The following GALNS variants were observed in gnomAD, a reference collection of about 807,000 sequenced individuals.
GALNS encodes N-acetylgalactosamine-6-sulfatase.
GALNS carries 65 observed loss-of-function variants against 65.9 expected under a neutral mutation model. The observed-to-expected ratio is 0.99, with a 90% confidence interval of 0.81 to 1.21. The LOEUF (loss-of-function observed/expected upper bound fraction) is 1.21, where lower values mean the gene tolerates loss of function less well. Among genes scored for constraint, GALNS ranks in the 50% most tolerant of loss-of-function variants. The pLI is 0.00. For synonymous variants in GALNS, 346 were observed against 288.9 expected (o/e 1.20, Z -2.00); for missense variants, 776 against 700.7 (o/e 1.11, Z -1.21).
At chr16:88,817,733 C>T (rs1909778821) in intron 13 of GALNS, among the ~76,000 whole-genome samples, 3 of 152,212 alleles carry the variant, frequency 2.0e-5, no homozygotes, top group Non-Finnish European at 1.5e-5. Context: ...TTGGAGCTCC[C>T]CAGTCTCAGC....
chr16:88,843,058 G>T (rs939654391), intron 1 of GALNS: 6 of 1,519,158 alleles, frequency 3.9e-6, no homozygotes, highest in Non-Finnish European at 5.3e-6. Context: ...CGTGCACGAT[G>T]GGGCCGCTCC....
chr16:88,816,221 TC>T, intron 13 of GALNS: 1 of 985,382 alleles, frequency 1.0e-6, no homozygotes, highest in African/African-American at 1.7e-5. Context: ...TGCGCCCACC[TC>T]CCCTGCCCTG....
chr16:88,840,489 G>C (rs544917421), intron 4 of GALNS: 3 of 212,842 alleles, frequency 1.4e-5, no homozygotes, highest in Non-Finnish European at 2.9e-5. Flanking sequence ...CAGCGTGGGG[G>C]CTGTGTAGCA....
intron 13 of GALNS, 59 bp from the exon 14 acceptor site, chr16:88,814,584 C>G: frequency 6.5e-7 from 1 of 1,547,832 alleles, no homozygotes; most frequent in Non-Finnish European, 8.7e-7. Flanking sequence ...CTGGACCCAG[C>G]AGCAGCGGGC....
chr16:88,840,919 C>T, intron 4 of GALNS, 73 bp downstream of exon 4: 1 of 1,187,920 alleles, frequency 8.4e-7, no homozygotes, highest in African/African-American at 1.5e-5. Context: ...AAACTTGTGG[C>T]CATGTCCCTT....
chr16:88,853,251 C>G lies in GALNS; in HGVS notation c.120+3507G>C, dbSNP rs1477189462. Among the ~76,000 whole-genome samples the G allele has an allele frequency of 4.6e-5, 3 of 64,672 alleles. No homozygotes were observed. The East Asian group carries it at 1.2e-3, about 27-fold the overall frequency. The allele number at this position is 64,672 out of a possible 152,430, so 42.4% of individuals were successfully genotyped here. On this transcript the variant is annotated intron_variant, in intron 1 of 13. Transcript: ENST00000268695. Reference sequence around the variant, plus strand: ...GGGTGACCAGAGTGAGACTCCATCTCAAAAAAAAAAAAAAAAAAAAAAAAG... The same window carrying G: ...GGGTGACCAGAGTGAGACTCCATCTGAAAAAAAAAAAAAAAAAAAAAAAAG...
chr16:88,847,902 C>A (rs1373867459), intron 1 of GALNS, among the ~76,000 whole-genome samples: 3 of 152,246 alleles, frequency 2.0e-5, no homozygotes, highest in Non-Finnish European at 2.9e-5. Context: ...TGAACCAACA[C>A]CCACAGCGGC....
At chr16:88,843,391 G>C (rs1319651766) in intron 1 of GALNS, 1 of 408,882 alleles carries the variant, frequency 2.4e-6, no homozygotes, top group East Asian at 7.3e-5. Context: ...GAGCGTCCAG[G>C]GCAGCACGAC....
At chr16:88,818,711 G>A (rs974041533) in intron 12 of GALNS, among the ~76,000 whole-genome samples, 8 of 152,250 alleles carry the variant, frequency 5.3e-5, no homozygotes, top group Non-Finnish European at 7.3e-5. Flanking sequence ...TTGGGTCCAC[G>A]GCGCCGTCAT....
chr16:88,816,512 C>A (rs1909638406), intron 13 of GALNS: 25 of 883,462 alleles, frequency 2.8e-5, no homozygotes, highest in Non-Finnish European at 3.4e-5. Context: ...ACTTGCCAGG[C>A]ACCCCCGCCC....
chr16:88,826,502 C>T (rs968633033), intron 10 of GALNS, among the ~76,000 whole-genome samples, 200 bp downstream of exon 10: 1 of 152,160 alleles, frequency 6.6e-6, no homozygotes, highest in Non-Finnish European at 1.5e-5. Context: ...TGCTTGGACC[C>T]TCCCAGGATG....
intron 10 of GALNS, among the ~76,000 whole-genome samples, chr16:88,826,218 G>A (rs1165088217): frequency 6.7e-6 from 1 of 150,234 alleles, no homozygotes; most frequent in Non-Finnish European, 1.5e-5. Context: ...CGTGTGCCCA[G>A]GTACAGGCAG....
At chr16:88,835,397 G>T (rs766945087) in intron 7 of GALNS, 45 bp from the exon 8 acceptor site, 2 of 1,611,030 alleles carry the variant, frequency 1.2e-6, no homozygotes, top group South Asian at 2.2e-5. Context: ...GGAGGATGGT[G>T]ACAAATGGAT....
chr16:88,829,078 C>A (rs923767752), intron 9 of GALNS, among the ~76,000 whole-genome samples: 6 of 146,932 alleles, frequency 4.1e-5, no homozygotes, highest in African/African-American at 1.5e-4. Flanking sequence ...GAGTCTCATG[C>A]CAACGTCTCC....
chr16:88,848,971 G>C (rs1242268660), intron 1 of GALNS, among the ~76,000 whole-genome samples: 1 of 152,242 alleles, frequency 6.6e-6, no homozygotes, highest in Admixed American at 6.5e-5. Flanking sequence ...GGCTCAGCTT[G>C]GCAGGGTGGC....
rs1032084553 is a variant in GALNS, at chr16:88,837,506, G to C, written c.566+116C>G. ...AAGCCCTCGGTGCCCGGGGACCCAG[G>C]GACAGACCAGCCCTCATGAGTGGCG... On this transcript the variant is annotated intron_variant, in intron 5 of 13. Transcript: ENST00000268695. The C allele has an allele frequency of 6.4e-6, 7 of 1,100,316 alleles. No individual in the cohort carries two copies. In the South Asian group the frequency reaches 8.0e-5, roughly 13 times the overall value. 68.2% of individuals were successfully genotyped at this position (1,100,316 alleles called of 1,614,324 possible).
chr16:88,834,327 CA>C (rs1472424919), intron 8 of GALNS, among the ~76,000 whole-genome samples: 373 of 144,140 alleles, frequency 2.6e-3, no homozygotes, highest in South Asian at 6.5e-3. Flanking sequence ...GGGCTCTCCC[CA>C]CCACGTGGTC....
chr16:88,835,163 C>T (rs1429827734), intron 8 of GALNS, 50 bp downstream of exon 8: 1 of 1,552,618 alleles, frequency 6.4e-7, no homozygotes. Flanking sequence ...GCACTCTTCG[C>T]TGACACGCTG....
At chr16:88,837,499 G>T in intron 5 of GALNS, 123 bp downstream of exon 5, 1 of 999,842 alleles carries the variant, frequency 1.0e-6, no homozygotes, top group Non-Finnish European at 1.5e-6. Context: ...GGTGCCCGGG[G>T]ACCCAGGGAC....
Sources: allele counts gnomAD v4.1 joint callset (sites outside exome capture counted in the v4.1 genomes callset), GRCh38; gene constraint gnomAD v4.1.1; transcripts MANE v1.5; gene names NCBI Gene and HGNC (gene_info 2026-07-23, HGNC 2026-07-21).